RRM2: variants seen among roughly 807,000 people sequenced by gnomAD.
RRM2 encodes the protein ribonucleoside-diphosphate reductase subunit M2.
In RRM2, 6 loss-of-function variants were observed where a neutral mutation model predicts 45.9. The ratio of observed to expected loss-of-function variants is 0.13; its 90% CI spans 0.07 to 0.26. RRM2 has a LOEUF of 0.26. Among genes scored for constraint, RRM2 ranks in the 10% least tolerant of loss-of-function variants. RRM2 has a pLI of 1.00. For synonymous variants in RRM2, 177 were observed against 173.0 expected (o/e 1.02, Z -0.18); for missense variants, 343 against 489.5 (o/e 0.70, Z 2.82).
chr2:10,176,442 A>G (rs577112734), intron 3 of RRM2, among the ~76,000 whole-genome samples: 2 of 152,092 alleles, frequency 1.3e-5, no homozygotes, highest in Admixed American at 6.5e-5. Flanking sequence ...CTAATTTTGT[A>G]TTTTTAGTAG....
chr2:10,134,998 A>G (rs969452251), downstream of RRM2, among the ~76,000 whole-genome samples: 13 of 152,386 alleles, frequency 8.5e-5, no homozygotes, highest in South Asian at 1.2e-3. Flanking sequence ...AACAATCATT[A>G]AACGAATGTT....
chr2:10,131,095 G>A lies in RRM2; in HGVS notation c.*1709G>A, dbSNP rs1034987931. On this transcript the variant is annotated 3_prime_UTR_variant, in exon 10 of 10. Coordinates refer to ENST00000304567, the MANE Select transcript of RRM2 (RefSeq NM_001034.4). ...TTGTTAGTTTTCTTCATCATTTATT[G>A]TATAGACAATTTTTAAATCTCTGTA... 2.0e-5 allele frequency: 3 copies of A among 152,126 alleles called. No homozygotes were observed. The highest frequency in any genetic ancestry group is 2.0e-4 in the Admixed American group (3 of 15,266). The allele number at this position is 152,126 out of a possible 1,614,324, so 9.4% of individuals were successfully genotyped here.
Position 10,123,477 on chromosome 2 carries a change from G to C in RRM2, c.265G>C (p.Asp89His). 6.2e-7 allele frequency: 1 copy of C among 1,614,202 alleles called. No homozygotes were observed. The change falls in exon 3 of 10, where the codon GAT becomes CAT. Residue 89 changes from aspartate (D) to histidine (H), a missense_variant. Physicochemically the swap from Asp to His is moderately conservative, Grantham distance 81. This residue lies in a region of RRM2 where 131 missense variants were observed against 121.4 expected (regional missense o/e 1.08). Transcript: ENST00000304567. ...TGTCATCTTCCCCATCGAGTACCAT[G>C]ATATCTGGCAGATGTATAAGAAGGC... ...RFVIFPIEYH[D>H]IWQMYKKAEA...
At chr2:10,206,018 G>A (rs1001658463) in intron 3 of RRM2, among the ~76,000 whole-genome samples, 6 of 152,148 alleles carry the variant, frequency 3.9e-5, no homozygotes, top group East Asian at 2.0e-4. Context: ...AGGCCGAAGC[G>A]GGAGGATCAT....
intron 3 of RRM2, among the ~76,000 whole-genome samples, chr2:10,174,870 T>TAA (rs57446176): frequency 0.53 from 76,997 of 144,704 alleles, 21,958 homozygotes; most frequent in Non-Finnish European, 0.66. Context: ...CAAAAATGGT[T>TAA]AAAAAAAAAA....
At chr2:10,188,941 C>T (rs1213203361) in intron 3 of RRM2, among the ~76,000 whole-genome samples, 2 of 152,138 alleles carry the variant, frequency 1.3e-5, no homozygotes, top group Admixed American at 6.5e-5. Flanking sequence ...GAGGCGCCGG[C>T]GCCCCATGTA....
intron 3 of RRM2, among the ~76,000 whole-genome samples, chr2:10,166,502 G>C (rs11890927): frequency 0.57 from 86,979 of 152,146 alleles, 24,965 homozygotes; most frequent in South Asian, 0.61. Flanking sequence ...GCTCCCTGCT[G>C]TCTGCGTCCG....
At chr2:10,192,121 C>CTT (rs1310855892) in intron 3 of RRM2, among the ~76,000 whole-genome samples, 1 of 780 alleles carries the variant, frequency 1.3e-3, no homozygotes, top group Non-Finnish European at 4.2e-3. Flanking sequence ...CCAGAGCTCC[C>CTT]GGAGCCGCAG....
intron 5 of RRM2, among the ~76,000 whole-genome samples, chr2:10,125,968 C>CA (rs1359235738): frequency 6.6e-6 from 1 of 151,796 alleles, no homozygotes; most frequent in African/African-American, 2.4e-5. Flanking sequence ...GAGGCAGACC[C>CA]AGGTCTCAGA....
intron 5 of RRM2, among the ~76,000 whole-genome samples, 194 bp downstream of exon 5, chr2:10,125,044 G>T (rs943187879): frequency 2.0e-5 from 3 of 152,168 alleles, no homozygotes; most frequent in African/African-American, 7.2e-5. Flanking sequence ...GAGTTGTGAA[G>T]GTACTCCTTT....
At chr2:10,135,688 G>A (rs1334453651), downstream of RRM2, among the ~76,000 whole-genome samples, 2 of 152,136 alleles carry the variant, frequency 1.3e-5, no homozygotes, top group African/African-American at 4.8e-5. Flanking sequence ...AGCTATAAAT[G>A]ATTGCCAAAC....
At position 10,142,387 on chromosome 2, in the gene RRM2, T is replaced by G. The variant is rs374950021; in HGVS notation, n.482+12T>G. 3.7e-6 allele frequency: 5 copies of G among 1,369,408 alleles called. No homozygotes were observed. In the African/African-American group the frequency reaches 7.4e-5, roughly 20 times the overall value. The allele number at this position is 1,369,408 out of a possible 1,614,324, so 84.8% of individuals were successfully genotyped here. A position where few individuals can be genotyped will look rare whatever the true frequency, so the allele number is the denominator to read the frequency against. ...GTTGCAGCTTTCAGGTGAGAAATGATGGCAACTCGCACGGTGGGGGAAGAG... is the reference window on the plus strand; with the variant it reads ...GTTGCAGCTTTCAGGTGAGAAATGAGGGCAACTCGCACGGTGGGGGAAGAG... On this transcript the variant is annotated intron_variant and non_coding_transcript_variant, in intron 3 of 3. Transcript: ENST00000381786.
chr2:10,129,290 G>T lies in RRM2; in HGVS notation c.1074G>T (p.Lys358Asn). Residue 358 changes from lysine to asparagine, a missense_variant, in exon 10 of 10, where the codon AAG becomes AAT. Physicochemically the swap from Lys to Asn is moderately conservative, Grantham distance 94 (BLOSUM62 0). Around this residue, in one of 2 missense-constraint regions of RRM2, gnomAD observed 212 missense variants for 368.1 expected, o/e 0.58. Coordinates refer to ENST00000304567, the MANE Select transcript of RRM2 (RefSeq NM_001034.4). The surrounding 1 kb of genome is among the most constrained non-coding windows in gnomAD (Gnocchi z 4.8). ...DFMENISLEGKTNFFEKRVGE... is the reference protein window; with the variant it reads ...DFMENISLEGNTNFFEKRVGE... ...TGGAGAATATTTCACTGGAAGGAAA[G>T]ACTAACTTCTTTGAGAAGAGAGTAG... 6.2e-7 allele frequency: 1 copy of T among 1,614,134 alleles called. No homozygotes were observed. Among genetic ancestry groups the T allele is most frequent in the Non-Finnish European group, 8.5e-7 (1 of 1,179,990 alleles).
At chr2:10,131,602 G>A (rs1662903141), downstream of RRM2, among the ~76,000 whole-genome samples, 2 of 152,148 alleles carry the variant, frequency 1.3e-5, no homozygotes, top group Non-Finnish European at 2.9e-5. Flanking sequence ...AGCCTGGCAT[G>A]GTGGCACACG....
rs74259025 is a variant in RRM2, at chr2:10,169,281, T to C, written n.482+26906T>C. Among the ~76,000 whole-genome samples the C allele has an allele frequency of 0.055, 8,402 of 152,054 alleles. 322 individuals are homozygous for C. Among genetic ancestry groups the C allele is most frequent in the East Asian group, 0.12 (604 of 5,172 alleles). ...GTGTGCGCCACTGTGCCCAGCTGCTTCTCTTTGTAAGTTCCCAAGTTGAAG... is the reference window on the plus strand; with the variant it reads ...GTGTGCGCCACTGTGCCCAGCTGCTCCTCTTTGTAAGTTCCCAAGTTGAAG... On this transcript the variant is annotated intron_variant and non_coding_transcript_variant, in intron 3 of 3. Coordinates refer to the RRM2 transcript ENST00000381786. This position sits in a 1 kb window ranked among gnomAD's most constrained non-coding sequence, Gnocchi z 5.1.
Position 10,172,359 on chromosome 2 carries a change from G to A in RRM2, n.482+29984G>A, listed in dbSNP as rs569431760. On this transcript the variant is annotated intron_variant and non_coding_transcript_variant, in intron 3 of 3. Coordinates refer to the RRM2 transcript ENST00000381786. The surrounding 1 kb of genome is among the most constrained non-coding windows in gnomAD (Gnocchi z 4.9). Reference sequence around the variant, plus strand: ...TGCTGCCTCCATCTGACCCTGCTCCGGAGGGACCAGGGGAGGGGCGGACGG... The same window carrying A: ...TGCTGCCTCCATCTGACCCTGCTCCAGAGGGACCAGGGGAGGGGCGGACGG... Among the ~76,000 whole-genome samples, 23 of 152,250 alleles carry A rather than the reference G, an allele frequency of 1.5e-4. No homozygotes were observed. Among genetic ancestry groups the A allele is most frequent in the Non-Finnish European group, 2.5e-4 (17 of 68,014 alleles).
chr2:10,193,414 G>T (rs116798493), intron 3 of RRM2, among the ~76,000 whole-genome samples: 5 of 152,164 alleles, frequency 3.3e-5, no homozygotes, highest in African/African-American at 4.8e-5. Context: ...GCCTGGAGGC[G>T]GCAACAGCTT....
chr2:10,180,722 C>A (rs1664027174), intron 3 of RRM2, among the ~76,000 whole-genome samples: 1 of 152,122 alleles, frequency 6.6e-6, no homozygotes, highest in African/African-American at 2.4e-5. Context: ...GGAAGTCATC[C>A]TCCCTCTCTG....
chr2:10,122,579 C>T (rs777370642), upstream of RRM2: 51 of 1,444,220 alleles, frequency 3.5e-5, no homozygotes, highest in Admixed American at 1.7e-4. Flanking sequence ...AAATCGCGCG[C>T]GGCCCCGCGG....
Sources: allele counts gnomAD v4.1 joint callset (sites outside exome capture counted in the v4.1 genomes callset), GRCh38; gene constraint gnomAD v4.1.1; regional missense constraint gnomAD v4.1.1; non-coding constraint Gnocchi (gnomAD v3.1); transcripts MANE v1.5; gene names NCBI Gene and HGNC (gene_info 2026-07-23, HGNC 2026-07-21).